The following KCNB2 variants were observed in gnomAD, a reference collection of about 807,000 sequenced individuals.
KCNB2 encodes potassium voltage-gated channel subfamily B member 2.
In KCNB2, 15 loss-of-function variants were observed where a neutral mutation model predicts 61.5. The ratio of observed to expected loss-of-function variants is 0.24; its 90% CI spans 0.16 to 0.38. The LOEUF (loss-of-function observed/expected upper bound fraction) is 0.38. KCNB2 is among the 10% of genes least tolerant of loss of function. The pLI, the probability that KCNB2 is intolerant of heterozygous loss-of-function variation, is 1.00. For missense variants in KCNB2, 828 were observed against 1,125.2 expected (o/e 0.74, Z 3.78); for synonymous variants, 457 against 446.0 (o/e 1.02, Z -0.31).
At chr8:72,912,632 C>G (rs1247322615) in intron 2 of KCNB2, among the ~76,000 whole-genome samples, 1 of 151,700 alleles carries the variant, frequency 6.6e-6, no homozygotes, top group Non-Finnish European at 1.5e-5. Context: ...ACCTCTACAA[C>G]AACTTTATCA....
intron 1 of KCNB2, among the ~76,000 whole-genome samples, chr8:72,562,687 T>C (rs1052358896): frequency 1.3e-5 from 2 of 152,112 alleles, no homozygotes; most frequent in African/African-American, 4.8e-5. Flanking sequence ...TATTCACAGT[T>C]GCATAATATC....
At chr8:72,724,610 C>T (rs1395448268) in intron 2 of KCNB2, among the ~76,000 whole-genome samples, 10 of 152,230 alleles carry the variant, frequency 6.6e-5, no homozygotes, top group Middle Eastern at 3.4e-3. Context: ...TAGGACACCA[C>T]GTTAAATTTG....
rs1014803486 is a variant in KCNB2, at chr8:72,760,542, C to T, written c.580-175393C>T. On this transcript the variant is annotated intron_variant, in intron 2 of 2. Transcript: ENST00000523207. ...ATCACCTAGGCACTCAGGCCCCATCCCAGACCTACTAAATCAGAAACACAT... is the reference window on the plus strand; with the variant it reads ...ATCACCTAGGCACTCAGGCCCCATCTCAGACCTACTAAATCAGAAACACAT... Among the ~76,000 whole-genome samples, 6 of 152,146 alleles carry T rather than the reference C, an allele frequency of 3.9e-5. No individual in the cohort carries two copies. The South Asian group carries it at 8.3e-4, about 21-fold the overall frequency.
At chr8:72,627,030 A>G (rs770956733) in intron 2 of KCNB2, among the ~76,000 whole-genome samples, 39 of 152,238 alleles carry the variant, frequency 2.6e-4, no homozygotes, top group Non-Finnish European at 4.9e-4. Flanking sequence ...TCAAATATTT[A>G]GAAGATCAAT....
chr8:72,822,338 G>T (rs1055567827), intron 2 of KCNB2, among the ~76,000 whole-genome samples: 2 of 152,204 alleles, frequency 1.3e-5, no homozygotes, highest in African/African-American at 2.4e-5. Context: ...GCCAGTGATT[G>T]GTATCTATGT....
At chr8:72,912,318 A>G (rs761765120) in intron 2 of KCNB2, among the ~76,000 whole-genome samples, 4 of 152,066 alleles carry the variant, frequency 2.6e-5, no homozygotes, top group Non-Finnish European at 5.9e-5. Flanking sequence ...TCCACTTATG[A>G]AAATACATGA....
At chr8:72,659,978 C>T (rs1806353223) in intron 2 of KCNB2, among the ~76,000 whole-genome samples, 1 of 152,116 alleles carries the variant, frequency 6.6e-6, no homozygotes, top group Non-Finnish European at 1.5e-5. Flanking sequence ...TCCAAGGTAT[C>T]CCTGTAAAAT....
intron 2 of KCNB2, among the ~76,000 whole-genome samples, chr8:72,690,267 A>C (rs1806919147): frequency 6.6e-6 from 1 of 152,186 alleles, no homozygotes; most frequent in Admixed American, 6.5e-5. Flanking sequence ...GATTTATAAA[A>C]TGCTGCCCAG....
At chr8:72,656,625 A>C (rs1806296290) in intron 2 of KCNB2, among the ~76,000 whole-genome samples, 1 of 152,170 alleles carries the variant, frequency 6.6e-6, no homozygotes, top group Non-Finnish European at 1.5e-5. Flanking sequence ...TACGATTATA[A>C]TGAGAATCTT....
chr8:72,579,194 G>A (rs1316298684), intron 2 of KCNB2, among the ~76,000 whole-genome samples: 2 of 152,158 alleles, frequency 1.3e-5, no homozygotes, highest in South Asian at 2.1e-4. Flanking sequence ...TGAGCCCCTC[G>A]AGAGCCCTCC....
intron 2 of KCNB2, chr8:72,618,879 A>G (rs2128984014): frequency 3.5e-6 from 1 of 287,292 alleles, no homozygotes; most frequent in Non-Finnish European, 7.0e-6. Context: ...CTATCGTTTT[A>G]ACTCTGCCAG....
At chr8:72,612,296 A>G (rs1185029881) in intron 2 of KCNB2, among the ~76,000 whole-genome samples, 1 of 152,190 alleles carries the variant, frequency 6.6e-6, no homozygotes, top group Non-Finnish European at 1.5e-5. Flanking sequence ...GTGAAGAGTG[A>G]CATTTAACCT....
At chr8:72,920,441 A>ATATCTATCTATC (rs568926581) in intron 2 of KCNB2, among the ~76,000 whole-genome samples, 1,074 of 105,182 alleles carry the variant, frequency 0.01, 134 homozygotes, top group African/African-American at 0.036. Context: ...CCTCTCCACT[A>ATATCTATCTATC]TATCTATCTA....
At chr8:72,932,345 G>A (rs1585984796) in intron 2 of KCNB2, among the ~76,000 whole-genome samples, 1 of 152,130 alleles carries the variant, frequency 6.6e-6, no homozygotes, top group South Asian at 2.1e-4. Context: ...TATAACAAAG[G>A]CCTGAGTCCT....
intron 2 of KCNB2, among the ~76,000 whole-genome samples, chr8:72,754,263 C>T (rs536516888): frequency 1.3e-5 from 2 of 152,314 alleles, no homozygotes; most frequent in African/African-American, 4.8e-5. Flanking sequence ...GGAATCAAGG[C>T]AGCCCAAAGC....
intron 2 of KCNB2, among the ~76,000 whole-genome samples, chr8:72,568,567 G>T (rs1194982544): frequency 6.6e-6 from 1 of 152,192 alleles, no homozygotes; most frequent in Admixed American, 6.5e-5. Flanking sequence ...GGATGAAAGA[G>T]AGTCCTGGTT....
chr8:72,562,302 C>A (rs1359286228), intron 1 of KCNB2, among the ~76,000 whole-genome samples: 1 of 152,164 alleles, frequency 6.6e-6, no homozygotes, highest in Non-Finnish European at 1.5e-5. Flanking sequence ...AACCTGGAGC[C>A]TCAAGCTGTA....
intron 1 of KCNB2, among the ~76,000 whole-genome samples, chr8:72,547,366 T>G (rs1387032258): frequency 6.6e-6 from 1 of 152,198 alleles, no homozygotes; most frequent in Admixed American, 6.5e-5. Flanking sequence ...ATACCTTTTA[T>G]AAGGCTATAC....
At chr8:72,744,012 G>T in intron 2 of KCNB2, among the ~76,000 whole-genome samples, 1 of 151,746 alleles carries the variant, frequency 6.6e-6, no homozygotes, top group East Asian at 1.9e-4. Context: ...CTTTTTATTG[G>T]GCGGGGGGCT....
Sources: allele counts gnomAD v4.1 joint callset (sites outside exome capture counted in the v4.1 genomes callset), GRCh38; gene constraint gnomAD v4.1.1; transcripts MANE v1.5; gene names NCBI Gene and HGNC (gene_info 2026-07-23, HGNC 2026-07-21).